CPSF6: variants seen among roughly 807,000 people sequenced by gnomAD.
The protein encoded by CPSF6 is cleavage and polyadenylation specific factor 6.
CPSF6 carries 10 observed loss-of-function variants against 56.7 expected under a neutral mutation model. That is an observed-to-expected ratio of 0.18 (90% CI 0.11 to 0.30). The LOEUF (loss-of-function observed/expected upper bound fraction) is 0.30. Ranked by LOEUF, CPSF6 falls within the 10% of genes least tolerant of loss-of-function variation. The pLI is 1.00. For synonymous variants in CPSF6, 248 were observed against 244.8 expected (o/e 1.01, Z -0.12); for missense variants, 419 against 722.9 (o/e 0.58, Z 4.82).
Position 69,262,532 on chromosome 12 carries a change from C to T in CPSF6, c.1629C>T (p.Asp543=). The T allele has an allele frequency of 6.2e-7, 1 of 1,613,434 alleles. No homozygotes were observed. Among genetic ancestry groups the T allele is most frequent in the Non-Finnish European group, 8.5e-7 (1 of 1,179,606 alleles). Residue 543 remains aspartate (D), a synonymous_variant, in exon 9 of 10, where the codon GAC becomes GAT. Coordinates refer to ENST00000435070, the MANE Select transcript of CPSF6 (RefSeq NM_007007.3). The part of the protein sequence containing the change: ...DRDRDRDRER[D]REREYRHR Reference sequence around the variant, plus strand: ...ACCGAGACCGTGACCGAGAGCGTGACCGAGAGCGCGAATATCGTCATCGTT... The same window carrying T: ...ACCGAGACCGTGACCGAGAGCGTGATCGAGAGCGCGAATATCGTCATCGTT...
chr12:69,256,898 G>T, intron 4 of CPSF6, 56 bp downstream of exon 4: 1 of 1,449,476 alleles, frequency 6.9e-7, no homozygotes, highest in Non-Finnish European at 9.4e-7. Flanking sequence ...CAGTGCATTT[G>T]TTAGGTGTTA....
chr12:69,240,006 C>G (rs1592787712), intron 1 of CPSF6, among the ~76,000 whole-genome samples: 1 of 151,346 alleles, frequency 6.6e-6, no homozygotes, highest in Non-Finnish European at 1.5e-5. Context: ...TGGCGGCACC[C>G]GGCTGGCGCT....
At chr12:69,248,504 C>G (rs917065248) in intron 1 of CPSF6, among the ~76,000 whole-genome samples, 2 of 152,348 alleles carry the variant, frequency 1.3e-5, no homozygotes, top group East Asian at 1.9e-4. Flanking sequence ...CATGGAACTA[C>G]TGCTGCAGCC....
intron 8 of CPSF6, among the ~76,000 whole-genome samples, chr12:69,260,920 T>G (rs1202447032): frequency 6.6e-6 from 1 of 152,202 alleles, no homozygotes. Context: ...GCCATGCTCG[T>G]TATAATATTT....
intron 3 of CPSF6, among the ~76,000 whole-genome samples, chr12:69,254,748 A>G (rs1339240601): frequency 6.6e-6 from 1 of 152,186 alleles, no homozygotes; most frequent in Non-Finnish European, 1.5e-5. Context: ...TAAGAAGGAT[A>G]ATTTAAAAGA....
In CPSF6 at chr12:69,240,014, G is replaced by A. The variant is rs971540368; in HGVS notation, c.60+308G>A. Among the ~76,000 whole-genome samples the A allele has an allele frequency of 2.0e-5, 3 of 151,466 alleles. No homozygotes were observed. The South Asian group carries it at 6.2e-4, about 31-fold the overall frequency. Reference sequence around the variant, plus strand: ...CTATTGTTGGCGGCACCCGGCTGGCGCTTCCCGCCGCGCTAGGCCCGGGCG... The same window carrying A: ...CTATTGTTGGCGGCACCCGGCTGGCACTTCCCGCCGCGCTAGGCCCGGGCG... On this transcript the variant is annotated intron_variant, in intron 1 of 9. Transcript: ENST00000435070.
In CPSF6 at chr12:69,250,190, C is replaced by T. The variant is rs560023669; in HGVS notation, c.61-939C>T. The stretch of plus-strand genomic sequence containing the variant: ...CTATGCTTTTTTTTAATACTGGTAG[C>T]TTCCTCAAGGTTGGAAAACAAGATC... On this transcript the variant is annotated intron_variant, in intron 1 of 9. Coordinates refer to ENST00000435070, the MANE Select transcript of CPSF6 (RefSeq NM_007007.3). Among the ~76,000 whole-genome samples, 9 of 151,796 alleles carry T rather than the reference C, an allele frequency of 5.9e-5. No individual in the cohort carries two copies. In the South Asian group the frequency reaches 1.9e-3, roughly 32 times the overall value.
Position 69,274,178 on chromosome 12 carries a change from C to T in CPSF6, c.*4670C>T, listed in dbSNP as rs559730429. On this transcript the variant is annotated 3_prime_UTR_variant, in exon 10 of 10. Transcript: ENST00000435070. ...ATTAGCTTCAATTAAAAAGCTCATT[C>T]CATTTTATTAAAATGTTTGTAATTG... The T allele has an allele frequency of 7.1e-6, 1 of 140,926 alleles. No individual in the cohort carries two copies. Among genetic ancestry groups the T allele is most frequent in the East Asian group, 2.1e-4 (1 of 4,680 alleles). The allele number at this position is 140,926 out of a possible 1,614,324, so 8.7% of individuals were successfully genotyped here.
chr12:69,262,317 A>C, intron 8 of CPSF6, 56 bp from the exon 9 acceptor site: 1 of 1,444,348 alleles, frequency 6.9e-7, no homozygotes. Flanking sequence ...AAAAAATTGA[A>C]TATTTTTAGG....
intron 7 of CPSF6, 133 bp downstream of exon 7, chr12:69,259,676 T>A (rs1286672046): frequency 1.8e-5 from 15 of 834,304 alleles, no homozygotes; most frequent in Non-Finnish European, 2.7e-5. Context: ...TACCTACGAT[T>A]TATTTAAAAA....
chr12:69,258,917 C>A lies in CPSF6; in HGVS notation c.1022C>A (p.Pro341Gln). Residue 341 changes from proline to glutamine, a missense_variant, in exon 6 of 10, where the codon CCG (proline) becomes CAG (glutamine). Pro to Gln is a moderately conservative substitution (Grantham distance 76). Transcript: ENST00000435070. The surrounding 1 kb of genome is among the most constrained non-coding windows in gnomAD (Gnocchi z 4.2). ...CCACCCCTTACACTAGCTCCTCCTC[C>A]GCATCTTCCTGGACCACCTCCAGGT... ...LGPPLTLAPPPHLPGPPPGAP... is the reference protein window; with the variant it reads ...LGPPLTLAPPQHLPGPPPGAP... 1.2e-6 allele frequency: 2 copies of A among 1,614,130 alleles called. No individual in the cohort carries two copies. Among genetic ancestry groups the A allele is most frequent in the African/African-American group, 2.7e-5 (2 of 75,020 alleles).
intron 1 of CPSF6, among the ~76,000 whole-genome samples, chr12:69,247,522 T>C (rs1871977355): frequency 6.6e-6 from 1 of 152,310 alleles, no homozygotes; most frequent in South Asian, 2.1e-4. Context: ...TCTTGTTTTT[T>C]GAATGCCATT....
At position 69,259,600 on chromosome 12, in the gene CPSF6, A is replaced by G. The variant is rs317649; in HGVS notation, c.1315+57A>G. The G allele has an allele frequency of 4.9e-3, 6,928 of 1,425,120 alleles. 287 individuals carry two copies. The African/African-American group carries it at 0.087, about 18-fold the overall frequency. The allele number at this position is 1,425,120 out of a possible 1,614,324, so 88.3% of individuals were successfully genotyped here. A position where few individuals can be genotyped will look rare whatever the true frequency, so the allele number is the denominator to read the frequency against. The stretch of plus-strand genomic sequence containing the variant: ...TTTATGTTATTAGGAATGACCTAAA[A>G]ATGTAAGTACAATCTAGAAGATAGG... On this transcript the variant is annotated intron_variant, in intron 7 of 9. Transcript: ENST00000435070.
At chr12:69,246,430 CTA>C (rs1195164089) in intron 1 of CPSF6, among the ~76,000 whole-genome samples, 2 of 152,102 alleles carry the variant, frequency 1.3e-5, no homozygotes, top group African/African-American at 4.8e-5. Flanking sequence ...GAACTCTTCT[CTA>C]TTTTGTTATT....
chr12:69,267,869 A>C (rs1873067764), intron 9 of CPSF6, among the ~76,000 whole-genome samples: 1 of 151,836 alleles, frequency 6.6e-6, no homozygotes, highest in African/African-American at 2.4e-5. Flanking sequence ...TACAAATGGG[A>C]TTCTCTATAT....
intron 8 of CPSF6, among the ~76,000 whole-genome samples, chr12:69,261,310 T>C (rs1297098542): frequency 6.6e-6 from 1 of 152,214 alleles, no homozygotes; most frequent in Non-Finnish European, 1.5e-5. Flanking sequence ...AATAATTTTT[T>C]AATCCCAACA....
chr12:69,249,168 G>GGGGGGGGGC (rs1565644117), intron 1 of CPSF6, among the ~76,000 whole-genome samples: 1 of 33,908 alleles, frequency 2.9e-5, no homozygotes. Flanking sequence ...GGGGGGGGGG[G>GGGGGGGGGC]GCTGAGGCAG....
rs896805021 is a variant in CPSF6 at position 69,256,718 on chromosome 12, A to T, written c.396A>T (p.Gly132=). 5.6e-6 allele frequency: 9 copies of T among 1,613,264 alleles called. No homozygotes were observed. Among genetic ancestry groups the T allele is most frequent in the Non-Finnish European group, 7.6e-6 (9 of 1,179,748 alleles). ...TTAGGTTTGCCCTTGTTGGTGTTGG[A>T]TCTGAAGCATCTTCAAAAAAGTTAA... ...QSKGFALVGV[G]SEASSKKLMD... is the part of the protein sequence containing the mutation. The change falls in exon 4 of 10, where the codon GGA becomes GGT. Residue 132 remains glycine (G), a synonymous_variant. Coordinates refer to ENST00000435070, the MANE Select transcript of CPSF6 (RefSeq NM_007007.3).
At chr12:69,245,546 T>G (rs112637142) in intron 1 of CPSF6, among the ~76,000 whole-genome samples, 2 of 152,230 alleles carry the variant, frequency 1.3e-5, no homozygotes, top group East Asian at 3.8e-4. Flanking sequence ...ACTATAATTA[T>G]AGCACACTGA....
Sources: allele counts gnomAD v4.1 joint callset (sites outside exome capture counted in the v4.1 genomes callset), GRCh38; gene constraint gnomAD v4.1.1; non-coding constraint Gnocchi (gnomAD v3.1); transcripts MANE v1.5; gene names NCBI Gene and HGNC (gene_info 2026-07-23, HGNC 2026-07-21).